Variants in SYT1 observed in about 807,000 individuals in gnomAD.
SYT1 encodes the protein synaptotagmin-1.
A neutral mutation model predicts 44.8 loss-of-function variants in SYT1; 8 were observed. The ratio of observed to expected loss-of-function variants is 0.18; its 90% confidence interval spans 0.10 to 0.32. The LOEUF (loss-of-function observed/expected upper bound fraction) is 0.32. Ranked by LOEUF, SYT1 falls within the 10% of genes least tolerant of loss-of-function variation. The pLI, the probability that SYT1 is intolerant of heterozygous loss-of-function variation, is 1.00. For synonymous variants in SYT1, 154 were observed against 188.8 expected, an observed-to-expected ratio of 0.82 and a Z score of 1.51; for missense variants, 286 against 509.3, an observed-to-expected ratio of 0.56 and a Z score of 4.22.
intron 1 of SYT1, among the ~76,000 whole-genome samples, chr12:78,872,947 A>T (rs1242565033): frequency 6.6e-6 from 1 of 151,764 alleles, no homozygotes; most frequent in Non-Finnish European, 1.5e-5. Context: ...AACTTTTTGC[A>T]GAGAGACAGA....
At chr12:79,204,559 A>C (rs1431009024) in intron 3 of SYT1, among the ~76,000 whole-genome samples, 1 of 152,206 alleles carries the variant, frequency 6.6e-6, no homozygotes, top group Non-Finnish European at 1.5e-5. Flanking sequence ...CAACTAAGCT[A>C]TATCTCTTCA....
At chr12:79,383,951 T>A (rs953777384) in intron 9 of SYT1, among the ~76,000 whole-genome samples, 1 of 152,212 alleles carries the variant, frequency 6.6e-6, no homozygotes, top group African/African-American at 2.4e-5. Context: ...ATTTGGTAAC[T>A]CTGTGGGGAA....
intron 8 of SYT1, among the ~76,000 whole-genome samples, chr12:79,332,740 C>T (rs1881912808): frequency 1.3e-5 from 2 of 152,136 alleles, no homozygotes; most frequent in Non-Finnish European, 2.9e-5. Flanking sequence ...TCATTAAGCA[C>T]GTTTCTTTAC....
chr12:79,240,863 A>G (rs1876462782), intron 4 of SYT1, among the ~76,000 whole-genome samples: 1 of 152,186 alleles, frequency 6.6e-6, no homozygotes, highest in South Asian at 2.1e-4. Context: ...AAAAATGTAG[A>G]GGAGAATATT....
At chr12:79,431,794 C>T (rs1419075697) in intron 9 of SYT1, among the ~76,000 whole-genome samples, 2 of 152,140 alleles carry the variant, frequency 1.3e-5, no homozygotes, top group Non-Finnish European at 2.9e-5. Context: ...CCCCCTGCCT[C>T]GGCATCCCAA....
Position 79,346,406 on chromosome 12 carries a change from T to G in SYT1, c.811-7096T>G, listed in dbSNP as rs1882609713. 1.3e-5 allele frequency among the ~76,000 whole-genome samples: 2 copies of G among 152,140 alleles called. 1 individual carries two copies. The highest frequency in any genetic ancestry group is 3.9e-4 in the East Asian group (2 of 5,190). On this transcript the variant is annotated intron_variant, in intron 8 of 10. Transcript: ENST00000261205. ...GTATATTCTAAAAGAGCAGGTAAAT[T>G]TCTCTGAATCTCACAGCTGGAACTT...
intron 5 of SYT1, among the ~76,000 whole-genome samples, chr12:79,286,276 A>C (rs1006017863): frequency 6.6e-6 from 1 of 152,194 alleles, no homozygotes; most frequent in African/African-American, 2.4e-5. Context: ...ACCAGTCTTC[A>C]TTGCGTTTAG....
chr12:79,451,593 G>A lies in SYT1; in HGVS notation c.*2469G>A, dbSNP rs1348525112. The A allele has an allele frequency of 6.6e-6, 1 of 152,192 alleles. No homozygotes were observed. Among genetic ancestry groups the A allele is most frequent in the Non-Finnish European group, 1.5e-5 (1 of 68,042 alleles). The allele number at this position is 152,192 out of a possible 1,614,324, so 9.4% of individuals were successfully genotyped here. On this transcript the variant is annotated 3_prime_UTR_variant, in exon 11 of 11. Coordinates refer to ENST00000261205, the MANE Select transcript of SYT1 (RefSeq NM_005639.3). ...ACATGGGATTGTCACCATAGAATTA[G>A]TTGGTACTATGCCATCTTTCACTCT...
intron 4 of SYT1, among the ~76,000 whole-genome samples, chr12:79,229,098 AGT>A (rs1170903182): frequency 6.6e-6 from 1 of 152,214 alleles, no homozygotes; most frequent in African/African-American, 2.4e-5. Flanking sequence ...ACATCTTGAA[AGT>A]GTCTGACACC....
chr12:78,926,698 C>G (rs1268412898), intron 1 of SYT1: 1 of 151,900 alleles, frequency 6.6e-6, no homozygotes. Context: ...GATGACATAT[C>G]AAGATCAAAT....
chr12:79,325,432 T>G (rs1314890091), intron 8 of SYT1, among the ~76,000 whole-genome samples: 2 of 152,224 alleles, frequency 1.3e-5, no homozygotes, highest in Non-Finnish European at 2.9e-5. Context: ...GAATAAAGAA[T>G]AAATACTGTT....
At chr12:79,208,501 G>T (rs1269015894) in intron 3 of SYT1, among the ~76,000 whole-genome samples, 4 of 152,168 alleles carry the variant, frequency 2.6e-5, no homozygotes, top group African/African-American at 9.7e-5. Context: ...ACCAAGGAAG[G>T]GTTATAAGAG....
At chr12:79,212,922 T>C (rs1357118898) in intron 3 of SYT1, among the ~76,000 whole-genome samples, 1 of 152,186 alleles carries the variant, frequency 6.6e-6, no homozygotes, top group Admixed American at 6.5e-5. Context: ...CTTTTCAGGG[T>C]TGTAATAGGA....
chr12:79,431,007 C>A (rs1470022848), intron 9 of SYT1, among the ~76,000 whole-genome samples: 1 of 152,182 alleles, frequency 6.6e-6, no homozygotes, highest in African/African-American at 2.4e-5. Context: ...TGAATGAATT[C>A]TGTACCACAA....
intron 2 of SYT1, among the ~76,000 whole-genome samples, chr12:79,014,137 A>G (rs1311848977): frequency 0.015 from 2,058 of 141,672 alleles, 35 homozygotes; most frequent in African/African-American, 0.056. Flanking sequence ...AAAAAAAAAA[A>G]AGAAAAAAAA....
intron 3 of SYT1, among the ~76,000 whole-genome samples, chr12:79,131,188 G>A (rs12319876): frequency 0.015 from 2,218 of 151,594 alleles, 51 homozygotes; most frequent in African/African-American, 0.051. Flanking sequence ...GAATGTGCAG[G>A]TTTGTTACAT....
At chr12:79,056,297 T>C (rs975183884) in intron 3 of SYT1, among the ~76,000 whole-genome samples, 1 of 152,048 alleles carries the variant, frequency 6.6e-6, no homozygotes, top group African/African-American at 2.4e-5. Flanking sequence ...TAACACAAGA[T>C]GAAATTTCGA....
At chr12:79,349,709 T>A (rs1248056229) in intron 8 of SYT1, among the ~76,000 whole-genome samples, 2 of 152,156 alleles carry the variant, frequency 1.3e-5, no homozygotes, top group African/African-American at 4.8e-5. Context: ...TTAGTCCCCA[T>A]CACCATAATC....
chr12:79,244,972 G>A (rs528406608), intron 4 of SYT1, among the ~76,000 whole-genome samples: 5 of 152,116 alleles, frequency 3.3e-5, no homozygotes, highest in Non-Finnish European at 5.9e-5. Flanking sequence ...TGCAATTCCT[G>A]AAAATTTTTT....
Sources: allele counts gnomAD v4.1 joint callset (sites outside exome capture counted in the v4.1 genomes callset), GRCh38; gene constraint gnomAD v4.1.1; transcripts MANE v1.5; gene names NCBI Gene and HGNC (gene_info 2026-07-23, HGNC 2026-07-21).